The following RAP1GAP2 variants were observed in gnomAD, a reference collection of about 807,000 sequenced individuals.
RAP1GAP2 encodes rap1 GTPase-activating protein 2.
A neutral mutation model predicts 95.0 loss-of-function variants in RAP1GAP2; 27 were observed. That is an observed-to-expected ratio of 0.28 (90% confidence interval 0.21 to 0.39). The LOEUF (loss-of-function observed/expected upper bound fraction) is 0.39. RAP1GAP2 is among the 10% of genes least tolerant of loss of function. The probability of loss-of-function intolerance (pLI) is 1.00; values close to 1 mark genes in which losing one functional copy is unlikely to be tolerated. For synonymous variants in RAP1GAP2, 373 were observed against 380.9 expected (o/e 0.98, Z 0.24); for missense variants, 771 against 970.0 (o/e 0.79, Z 2.72).
In RAP1GAP2 at chr17:2,903,093, A is replaced by G. The variant is rs2042078641; in HGVS notation, c.81-2191A>G. Reference sequence around the variant, plus strand: ...TCCAGAGGCCCTCTGCTAAGCCCAGAGTCGCCCTATAGCATCTGGTGGGGG... The same window carrying G: ...TCCAGAGGCCCTCTGCTAAGCCCAGGGTCGCCCTATAGCATCTGGTGGGGG... On this transcript the variant is annotated intron_variant, in intron 2 of 24. Transcript: ENST00000254695. This position sits in a 1 kb window ranked among gnomAD's most constrained non-coding sequence, Gnocchi z 4.1. Among the ~76,000 whole-genome samples, 1 of 152,148 alleles carries G rather than the reference A, an allele frequency of 6.6e-6. No homozygotes were observed. The highest frequency in any genetic ancestry group is 1.5e-5 in the Non-Finnish European group (1 of 68,020).
At chr17:2,755,793 G>A (rs1479972829) in intron 1 of RAP1GAP2, 1 of 353,798 alleles carries the variant, frequency 2.8e-6, no homozygotes, top group Non-Finnish European at 5.1e-6. Flanking sequence ...GCGGCGCGGG[G>A]CCTAATGCGG....
chr17:2,885,226 G>T (rs1204586424), intron 2 of RAP1GAP2, among the ~76,000 whole-genome samples: 2 of 151,944 alleles, frequency 1.3e-5, no homozygotes, highest in Non-Finnish European at 2.9e-5. Flanking sequence ...TAGAGATGGG[G>T]TTTCCCCATG....
At position 2,840,151 on chromosome 17, in the gene RAP1GAP2, T is replaced by C. The variant is rs1427207549; in HGVS notation, c.80+39601T>C. On this transcript the variant is annotated intron_variant, in intron 2 of 24. Transcript: ENST00000254695. The stretch of plus-strand genomic sequence containing the variant: ...GTCTCCATTGTAAAGTTATTCTTTA[T>C]TTTTAAATTTTTATTGATTGATTGA... 3.3e-5 allele frequency among the ~76,000 whole-genome samples: 5 copies of C among 152,110 alleles called. No individual in the cohort carries two copies. The East Asian group carries it at 9.7e-4, about 30-fold the overall frequency.
intron 3 of RAP1GAP2, among the ~76,000 whole-genome samples, chr17:2,932,160 T>A (rs1201912868): frequency 6.6e-6 from 1 of 152,142 alleles, no homozygotes; most frequent in Non-Finnish European, 1.5e-5. Context: ...CATCTGTAAA[T>A]CTGCTTTTGC....
In RAP1GAP2 at chr17:3,018,121, C is replaced by T. The variant is rs994818571; in HGVS notation, c.1555C>T (p.His519Tyr). The stretch of plus-strand genomic sequence containing the variant: ...CATGGTGGGCGGCCAGAAGAAGTCG[C>T]ACAGTGGGGGCATCCCTGGCAGCCT... ...ETMVGGQKKS[H>Y]SGGIPGSLSG... The change falls in exon 18 of 25, where the codon CAC (histidine) becomes TAC (tyrosine). Residue 519 changes from histidine (H) to tyrosine (Y), a missense_variant. By Grantham distance (83) the His-to-Tyr change is moderately conservative. Transcript: ENST00000254695. The T allele has an allele frequency of 3.8e-6, 6 of 1,590,428 alleles. No homozygotes were observed. The East Asian group carries it at 1.2e-4, about 31-fold the overall frequency.
Position 3,005,880 on chromosome 17 carries a change from G to T in RAP1GAP2, c.1273-75G>T, listed in dbSNP as rs1210062607. The stretch of plus-strand genomic sequence containing the variant: ...TCTCCCCATGGCCCCGGCTCTGCCT[G>T]CCTGTCACTGTGGCTGAAGACCTTC... On this transcript the variant is annotated intron_variant, in intron 15 of 24. Coordinates refer to ENST00000254695, the MANE Select transcript of RAP1GAP2 (RefSeq NM_015085.5). The surrounding 1 kb of genome is among the most constrained non-coding windows in gnomAD (Gnocchi z 5.2). 4.2e-5 allele frequency: 58 copies of T among 1,394,188 alleles called. No homozygotes were observed. In the Middle Eastern group the frequency reaches 8.8e-4, roughly 21 times the overall value. 86.4% of individuals were successfully genotyped at this position (1,394,188 alleles called of 1,614,324 possible). A position where few individuals can be genotyped will look rare whatever the true frequency, so the allele number is the denominator to read the frequency against.
chr17:3,006,287 C>T (rs545236726), intron 16 of RAP1GAP2, among the ~76,000 whole-genome samples: 3 of 151,822 alleles, frequency 2.0e-5, no homozygotes, highest in Non-Finnish European at 4.4e-5. Flanking sequence ...CGCCACCACG[C>T]CCAGCTAATT....
intron 2 of RAP1GAP2, chr17:2,853,890 G>A: frequency 1.0e-6 from 1 of 977,384 alleles, no homozygotes; most frequent in Non-Finnish European, 1.2e-6. Flanking sequence ...ATGCGAGGCG[G>A]AGGCCGGGGG....
chr17:2,881,787 A>T lies in RAP1GAP2; in HGVS notation c.81-23497A>T, dbSNP rs563048417. Among the ~76,000 whole-genome samples, 7 of 151,838 alleles carry T rather than the reference A, an allele frequency of 4.6e-5. No homozygotes were observed. The South Asian group carries it at 1.5e-3, about 32-fold the overall frequency. ...TTTTTGCTTTTTTCTTTTTTTCTCG[A>T]TGATGGCCATCCTAGTGGGTGTGAT... On this transcript the variant is annotated intron_variant, in intron 2 of 24. Transcript: ENST00000254695.
At chr17:2,917,489 C>T (rs927505634) in intron 3 of RAP1GAP2, among the ~76,000 whole-genome samples, 9 of 152,164 alleles carry the variant, frequency 5.9e-5, no homozygotes, top group African/African-American at 1.2e-4. Flanking sequence ...AGGCTGGTCT[C>T]GAACTCCTGA....
upstream of RAP1GAP2, chr17:2,796,381 G>A (rs2069081610): frequency 1.1e-5 from 9 of 827,874 alleles, no homozygotes; most frequent in African/African-American, 1.7e-5. This position sits in a 1 kb window ranked among gnomAD's most constrained non-coding sequence, Gnocchi z 4.7. Flanking sequence ...CAGGAAGCTC[G>A]GGTTGGGGGC....
At chr17:2,981,706 C>G (rs1189902233) in intron 10 of RAP1GAP2, among the ~76,000 whole-genome samples, 2 of 152,196 alleles carry the variant, frequency 1.3e-5, no homozygotes, top group Non-Finnish European at 2.9e-5. Context: ...GCCATATAAG[C>G]CTCTGCTGCC....
chr17:2,957,998 G>A (rs2044183654), intron 4 of RAP1GAP2, among the ~76,000 whole-genome samples: 1 of 152,144 alleles, frequency 6.6e-6, no homozygotes, highest in Admixed American at 6.5e-5. Context: ...TCCTGCGGAG[G>A]GACAGGGAGG....
chr17:2,917,937 A>G (rs2042622973), intron 3 of RAP1GAP2, among the ~76,000 whole-genome samples: 1 of 151,958 alleles, frequency 6.6e-6, no homozygotes, highest in South Asian at 2.1e-4. Flanking sequence ...GCTGGTGTCA[A>G]ACTCCTGACC....
chr17:2,965,250 A>AC lies in RAP1GAP2; in HGVS notation c.493-284dup, dbSNP rs796407072. The AC allele has an allele frequency of 6.9e-6, 3 of 436,884 alleles. No individual in the cohort carries two copies. The highest frequency in any genetic ancestry group is 1.3e-5 in the Non-Finnish European group (3 of 237,804). The allele number at this position is 436,884 out of a possible 1,614,324, so 27.1% of individuals were successfully genotyped here. ...TCGTGTCATCCTGGGCAGTGACTTA[A>AC]CCCCCCGACCATTGGTTTTCCCATC... On this transcript the variant is annotated intron_variant, in intron 7 of 24. Coordinates refer to ENST00000254695, the MANE Select transcript of RAP1GAP2 (RefSeq NM_015085.5). This position sits in a 1 kb window ranked among gnomAD's most constrained non-coding sequence, Gnocchi z 4.7.
intron 3 of RAP1GAP2, among the ~76,000 whole-genome samples, chr17:2,928,770 T>G (rs151133097): frequency 1.9e-3 from 292 of 152,044 alleles, no homozygotes; most frequent in Admixed American, 3.5e-3. Context: ...AAGACCCAGA[T>G]GGTCTCTTCT....
chr17:3,011,031 A>T (rs2046519023), intron 17 of RAP1GAP2, among the ~76,000 whole-genome samples: 1 of 151,978 alleles, frequency 6.6e-6, no homozygotes. Context: ...GGTTCAAGTG[A>T]TTATCCTACC....
intron 2 of RAP1GAP2, among the ~76,000 whole-genome samples, chr17:2,826,225 A>G (rs1406699646): frequency 2.8e-5 from 4 of 140,970 alleles, no homozygotes; most frequent in Non-Finnish European, 6.0e-5. Flanking sequence ...TCAATCTCCT[A>G]ACCTCGTGAT....
intron 2 of RAP1GAP2, among the ~76,000 whole-genome samples, chr17:2,850,864 C>T (rs1475436429): frequency 6.6e-6 from 1 of 151,906 alleles, no homozygotes; most frequent in Non-Finnish European, 1.5e-5. Context: ...AGTTCGAGAT[C>T]AGCCTGGCCA....
Sources: gnomAD v4.1 joint callset for allele counts (sites outside exome capture counted in the v4.1 genomes callset) on GRCh38, gnomAD v4.1.1 for gene constraint, Gnocchi (gnomAD v3.1) non-coding constraint, MANE v1.5 for transcripts, NCBI Gene and HGNC (gene_info 2026-07-23, HGNC 2026-07-21) for gene names.